Variants in LGI1 observed in about 807,000 individuals in gnomAD.
LGI1 encodes leucine rich glioma inactivated 1, also known as leucine-rich glioma-inactivated protein 1.
In LGI1, 11 loss-of-function variants were observed where a neutral mutation model predicts 57.7. That is an observed-to-expected ratio of 0.19 (90% CI 0.12 to 0.32). LGI1 has a LOEUF of 0.32. Ranked by LOEUF, LGI1 falls within the 10% of genes least tolerant of loss-of-function variation. The pLI, the probability that LGI1 is intolerant of heterozygous loss-of-function variation, is 1.00. For missense variants in LGI1, 422 were observed against 661.9 expected (o/e 0.64, Z 3.98); for synonymous variants, 222 against 241.9 (o/e 0.92, Z 0.76).
At chr10:93,761,879 G>A (rs2059627708) in intron 2 of LGI1, among the ~76,000 whole-genome samples, 2 of 152,112 alleles carry the variant, frequency 1.3e-5, no homozygotes, top group South Asian at 4.1e-4. Flanking sequence ...CAACGATTAT[G>A]CGTTCTAGCT....
chr10:93,767,995 G>T (rs963053244), intron 2 of LGI1: 2 of 152,116 alleles, frequency 1.3e-5, no homozygotes, highest in African/African-American at 2.4e-5. Context: ...TAAAAGAGTC[G>T]CATTGTCAAT....
intron 2 of LGI1, chr10:93,773,037 G>A (rs1005610545): frequency 6.6e-6 from 1 of 151,024 alleles, no homozygotes; most frequent in East Asian, 1.9e-4. Context: ...CCAAGATCGC[G>A]CCACTGCACT....
intron 2 of LGI1, chr10:93,759,203 C>T: frequency 3.8e-6 from 1 of 266,152 alleles, no homozygotes; most frequent in Non-Finnish European, 7.2e-6. Flanking sequence ...AACATATGCG[C>T]TCAAGATGTT....
intron 2 of LGI1, 131 bp from the exon 3 acceptor site, chr10:93,777,248 A>T: frequency 7.6e-6 from 6 of 784,472 alleles, no homozygotes; most frequent in Non-Finnish European, 1.3e-5. Flanking sequence ...CTGCATAACT[A>T]ACACTGTAGC....
rs139124303 is a variant in LGI1, at chr10:93,760,638, G to T, written c.287+1807G>T. On this transcript the variant is annotated intron_variant, in intron 2 of 7. Transcript: ENST00000371418. The stretch of plus-strand genomic sequence containing the variant: ...ATCTCCACTTTGTTTTTGTTGGGTG[G>T]ACCCAGTCACGGCAAGCACAGATGC... Among the ~76,000 whole-genome samples, 30 of 152,268 alleles carry T rather than the reference G, an allele frequency of 2.0e-4. No individual in the cohort carries two copies. The East Asian group carries it at 5.6e-3, about 28-fold the overall frequency.
intron 2 of LGI1, among the ~76,000 whole-genome samples, chr10:93,759,773 C>T (rs1281782216): frequency 1.3e-5 from 2 of 152,174 alleles, no homozygotes; most frequent in Non-Finnish European, 2.9e-5. Flanking sequence ...TCTTGCCTTA[C>T]TTGGCCATTT....
Position 93,797,158 on chromosome 10 carries a change from C to T in LGI1, c.1029C>T (p.Asn343=), listed in dbSNP as rs2059987606. 6.2e-7 allele frequency: 1 copy of T among 1,614,066 alleles called. No homozygotes were observed. Among genetic ancestry groups the T allele is most frequent in the African/African-American group, 1.3e-5 (1 of 74,922 alleles). ...TTGAAACATTCAAGATTGAAAACAA[C>T]TGGTACTTTGTTGTTGCTGACAGTT... ...NDIETFKIEN[N]WYFVVADSSK... is the part of the protein sequence containing the mutation. The change falls in exon 8 of 8, where the codon AAC becomes AAT. Residue 343 remains asparagine (N), a synonymous_variant. Coordinates refer to ENST00000371418, the MANE Select transcript of LGI1 (RefSeq NM_005097.4). The surrounding 1 kb of genome is among the most constrained non-coding windows in gnomAD (Gnocchi z 6.5).
At position 93,758,582 on chromosome 10, in the gene LGI1, A is replaced by T; in HGVS notation, c.216-178A>T. 1 of 688,188 alleles carries T rather than the reference A, an allele frequency of 1.5e-6. No homozygotes were observed. Among genetic ancestry groups the T allele is most frequent in the Non-Finnish European group, 2.5e-6 (1 of 399,006 alleles). The allele number at this position is 688,188 out of a possible 1,614,324, so 42.6% of individuals were successfully genotyped here. On this transcript the variant is annotated intron_variant, in intron 1 of 7. Coordinates refer to ENST00000371418, the MANE Select transcript of LGI1 (RefSeq NM_005097.4). This position sits in a 1 kb window ranked among gnomAD's most constrained non-coding sequence, Gnocchi z 4.7. The stretch of plus-strand genomic sequence containing the variant: ...CCAGCCCTGAACATTATCATGAGAA[A>T]CCTGTAGCCGATTCATTTCTCTTAC...
chr10:93,766,512 C>CTTTTTTTTTTTTCTT lies in LGI1; in HGVS notation c.287+7691_287+7692insTTCTTTTTTTTTTTT, dbSNP rs71031537. On this transcript the variant is annotated intron_variant, in intron 2 of 7. Transcript: ENST00000371418. ...TTGGTGCTAAGCATTTTATAGATCT[C>CTTTTTTTTTTTTCTT]TTTTTTTTTTGAGACGGAGTCTCGC... is the stretch of plus-strand genomic sequence containing the variant. 3.5e-5 allele frequency among the ~76,000 whole-genome samples: 3 copies of CTTTTTTTTTTTTCTT among 84,588 alleles called. 1 individual carries two copies. Among genetic ancestry groups the CTTTTTTTTTTTTCTT allele is most frequent in the Non-Finnish European group, 6.2e-5 (3 of 48,160 alleles). The allele number at this position is 84,588 out of a possible 152,430, so 55.5% of individuals were successfully genotyped here. A position where few individuals can be genotyped will look rare whatever the true frequency, so the allele number is the denominator to read the frequency against.
chr10:93,761,382 G>C (rs1267253393), intron 2 of LGI1, among the ~76,000 whole-genome samples: 2 of 152,206 alleles, frequency 1.3e-5, no homozygotes, highest in Non-Finnish European at 2.9e-5. Flanking sequence ...ATAAATTTCA[G>C]AATCAATTCG....
chr10:93,758,552 T>C lies in LGI1; in HGVS notation c.215+193T>C. ...TTAGCTGCTACTGAACATGCTTAGATACCCCCAGCCCTGAACATTATCATG... is the reference window on the plus strand; with the variant it reads ...TTAGCTGCTACTGAACATGCTTAGACACCCCCAGCCCTGAACATTATCATG... On this transcript the variant is annotated intron_variant, in intron 1 of 7. Coordinates refer to ENST00000371418, the MANE Select transcript of LGI1 (RefSeq NM_005097.4). The surrounding 1 kb of genome is among the most constrained non-coding windows in gnomAD (Gnocchi z 4.7). 2 of 706,832 alleles carry C rather than the reference T, an allele frequency of 2.8e-6. No homozygotes were observed. Among genetic ancestry groups the C allele is most frequent in the South Asian group, 3.4e-5 (2 of 58,932 alleles). The allele number at this position is 706,832 out of a possible 1,614,324, so 43.8% of individuals were successfully genotyped here.
chr10:93,786,073 G>T lies in LGI1; in HGVS notation c.432-4026G>T, dbSNP rs1487935749. Among the ~76,000 whole-genome samples, 2 of 46,276 alleles carry T rather than the reference G, an allele frequency of 4.3e-5. 1 individual carries two copies. Among genetic ancestry groups the T allele is most frequent in the South Asian group, 3.2e-3 (2 of 622 alleles). 30.4% of individuals were successfully genotyped at this position (46,276 alleles called of 152,430 possible). A position where few individuals can be genotyped will look rare whatever the true frequency, so the allele number is the denominator to read the frequency against. Reference sequence around the variant, plus strand: ...AGGCCCTCATCACAGCTGGCTTTAAGCTGGCGCAAAGAACCACAGCGGTGG... The same window carrying T: ...AGGCCCTCATCACAGCTGGCTTTAATCTGGCGCAAAGAACCACAGCGGTGG... On this transcript the variant is annotated intron_variant, in intron 4 of 7. Coordinates refer to ENST00000371418, the MANE Select transcript of LGI1 (RefSeq NM_005097.4).
intron 4 of LGI1, among the ~76,000 whole-genome samples, chr10:93,778,314 A>G (rs1446381460): frequency 6.6e-6 from 1 of 151,168 alleles, no homozygotes; most frequent in Admixed American, 6.6e-5. Flanking sequence ...TGTTTCTTCT[A>G]GCCTCCCTCA....
In LGI1 at chr10:93,764,766, G is replaced by A. The variant is rs182943346; in HGVS notation, c.287+5935G>A. The A allele has an allele frequency of 2.6e-3, 391 of 152,290 alleles. 1 individual carries two copies. Among genetic ancestry groups the A allele is most frequent in the African/African-American group, 8.8e-3 (366 of 41,554 alleles). The allele number at this position is 152,290 out of a possible 1,614,324, so 9.4% of individuals were successfully genotyped here. On this transcript the variant is annotated intron_variant, in intron 2 of 7. Coordinates refer to ENST00000371418, the MANE Select transcript of LGI1 (RefSeq NM_005097.4). ...ACAATGCATGAAAAATGCTTTGCAAGGTTCCTGTAACTCAATACACATTAG... is the reference window on the plus strand; with the variant it reads ...ACAATGCATGAAAAATGCTTTGCAAAGTTCCTGTAACTCAATACACATTAG...
intron 5 of LGI1, chr10:93,791,436 A>C (rs1470526539): frequency 6.6e-6 from 1 of 152,190 alleles, no homozygotes; most frequent in Non-Finnish European, 1.5e-5. Flanking sequence ...AAAACAAAAA[A>C]ATATTGAAAT....
chr10:93,792,640 C>T (rs776774716), intron 5 of LGI1, 103 bp from the exon 6 acceptor site: 14 of 1,234,246 alleles, frequency 1.1e-5, no homozygotes, highest in African/African-American at 4.4e-5. Flanking sequence ...CAGGATGCAA[C>T]GCCGGGTAAG....
At chr10:93,783,342 C>G (rs908611514) in intron 4 of LGI1, among the ~76,000 whole-genome samples, 2 of 152,104 alleles carry the variant, frequency 1.3e-5, no homozygotes, top group African/African-American at 2.4e-5. Flanking sequence ...CGCCACTGCA[C>G]TCCAGCTTGG....
At chr10:93,761,772 C>T (rs1359121765) in intron 2 of LGI1, among the ~76,000 whole-genome samples, 3 of 152,160 alleles carry the variant, frequency 2.0e-5, no homozygotes, top group African/African-American at 4.8e-5. Context: ...TTAAAAATCT[C>T]ATTTATGGGT....
chr10:93,794,081 CA>C (rs1318070456), intron 7 of LGI1: 1 of 129,688 alleles, frequency 7.7e-6, no homozygotes, highest in Non-Finnish European at 1.6e-5. Flanking sequence ...TGCAGTGGCA[CA>C]ATCTCAGCTC....
Sources: gnomAD v4.1 joint callset for allele counts (sites outside exome capture counted in the v4.1 genomes callset) on GRCh38, gnomAD v4.1.1 for gene constraint, Gnocchi (gnomAD v3.1) non-coding constraint, MANE v1.5 for transcripts, NCBI Gene and HGNC (gene_info 2026-07-23, HGNC 2026-07-21) for gene names.